Variants in DDX1 observed in about 807,000 individuals in gnomAD.
The protein encoded by DDX1 is DEAD-box helicase 1.
Under a neutral mutation model 108.7 loss-of-function variants are expected in DDX1, and 28 were observed. That is an observed-to-expected ratio of 0.26 (90% CI 0.19 to 0.35). The LOEUF is 0.35. Ranked by LOEUF, DDX1 falls within the 10% of genes least tolerant of loss-of-function variation. DDX1 has a pLI of 1.00. For missense variants in DDX1, 710 were observed against 884.5 expected (o/e 0.80, Z 2.50); for synonymous variants, 295 against 288.9 (o/e 1.02, Z -0.21).
intron 18 of DDX1, among the ~76,000 whole-genome samples, chr2:15,621,777 C>T (rs1444895894): frequency 1.3e-5 from 2 of 151,906 alleles, no homozygotes; most frequent in East Asian, 3.9e-4. Context: ...CTCAGCCTCC[C>T]GGGTAGCTGG....
intron 13 of DDX1, among the ~76,000 whole-genome samples, chr2:15,612,863 C>G (rs1300354324): frequency 6.6e-6 from 1 of 152,108 alleles, no homozygotes; most frequent in African/African-American, 2.4e-5. Context: ...GAAAACCAGT[C>G]AGGCGTGGTG....
At chr2:15,605,497 G>A (rs1665647559) in intron 10 of DDX1, among the ~76,000 whole-genome samples, 1 of 152,144 alleles carries the variant, frequency 6.6e-6, no homozygotes, top group Non-Finnish European at 1.5e-5. Flanking sequence ...AAGCATTAGA[G>A]AGCTGTTTTG....
intron 1 of DDX1, among the ~76,000 whole-genome samples, chr2:15,593,090 T>G (rs1289591405): frequency 6.6e-6 from 1 of 152,048 alleles, no homozygotes; most frequent in Non-Finnish European, 1.5e-5. Context: ...CCTGCTCATT[T>G]TTGTATTATT....
chr2:15,624,793 AAAAATAC>A (rs1249853894), intron 19 of DDX1, among the ~76,000 whole-genome samples: 2 of 152,186 alleles, frequency 1.3e-5, no homozygotes, highest in Non-Finnish European at 2.9e-5. Context: ...ATGCTAAACT[AAAAATAC>A]AACACCGAAT....
chr2:15,629,758 T>A, intron 24 of DDX1, 61 bp downstream of exon 24: 1 of 1,306,204 alleles, frequency 7.7e-7, no homozygotes, highest in Non-Finnish European at 1.1e-6. Context: ...AAAGCATTTA[T>A]CTTCAAAAAT....
intron 5 of DDX1, 103 bp from the exon 6 acceptor site, chr2:15,599,566 G>C: frequency 1.3e-6 from 1 of 794,086 alleles, no homozygotes; most frequent in Non-Finnish European, 2.0e-6. Flanking sequence ...ACCCACGTCA[G>C]CTTCCCAAAG....
At chr2:15,595,080 T>C (rs1665477360) in intron 1 of DDX1, 65 bp from the exon 2 acceptor site, 1 of 1,279,252 alleles carries the variant, frequency 7.8e-7, no homozygotes, top group Middle Eastern at 1.9e-4. Flanking sequence ...TGAATAGTAA[T>C]TTTGAGAGCA....
At chr2:15,592,199 CA>C (rs1257048842) in intron 1 of DDX1, among the ~76,000 whole-genome samples, 2 of 152,252 alleles carry the variant, frequency 1.3e-5, no homozygotes, top group Non-Finnish European at 2.9e-5. Flanking sequence ...TACCAGTCTC[CA>C]CTTGGCTTTC....
intron 10 of DDX1, among the ~76,000 whole-genome samples, chr2:15,605,455 A>C (rs1159522711): frequency 6.6e-6 from 1 of 152,164 alleles, no homozygotes; most frequent in Non-Finnish European, 1.5e-5. Flanking sequence ...AAGATGAAGA[A>C]TGTGCATTAA....
chr2:15,628,240 A>G (rs1295031354), intron 20 of DDX1, among the ~76,000 whole-genome samples: 1 of 152,176 alleles, frequency 6.6e-6, no homozygotes, highest in African/African-American at 2.4e-5. Context: ...CCAATCTCTG[A>G]TTTAATCACC....
chr2:15,612,508 T>C (rs1039544882), intron 13 of DDX1, among the ~76,000 whole-genome samples: 2 of 148,364 alleles, frequency 1.3e-5, no homozygotes, highest in African/African-American at 5.1e-5. Flanking sequence ...GCAGAGACGC[T>C]CCTCACTTTC....
In DDX1 at chr2:15,599,733, T is replaced by C. The variant is rs780348983; in HGVS notation, c.307+17T>C. The C allele has an allele frequency of 5.8e-5, 91 of 1,577,406 alleles. No individual in the cohort carries two copies. The highest frequency in any genetic ancestry group is 7.7e-5 in the Non-Finnish European group (89 of 1,155,162). On this transcript the variant is annotated intron_variant, in intron 6 of 25. Transcript: ENST00000233084. ...CTGCTTTTGGTAAGTGGATAGACTTTCCATCAGCTCATTTGTAATTCAGAA... is the reference window on the plus strand; with the variant it reads ...CTGCTTTTGGTAAGTGGATAGACTTCCCATCAGCTCATTTGTAATTCAGAA...
intron 13 of DDX1, among the ~76,000 whole-genome samples, chr2:15,607,574 A>G (rs191622586): frequency 6.6e-6 from 1 of 152,098 alleles, no homozygotes; most frequent in East Asian, 1.9e-4. Context: ...ACAGCATTGG[A>G]GTAAAAATCT....
At chr2:15,626,842 T>G (rs1384095302) in intron 19 of DDX1, among the ~76,000 whole-genome samples, 1 of 152,138 alleles carries the variant, frequency 6.6e-6, no homozygotes, top group African/African-American at 2.4e-5. Context: ...AAAATGCCCT[T>G]AAAAGCAGGA....
chr2:15,608,545 C>T (rs1049575124), intron 13 of DDX1, among the ~76,000 whole-genome samples: 4 of 148,894 alleles, frequency 2.7e-5, no homozygotes, highest in Admixed American at 2.0e-4. Context: ...AAAAAAAAAG[C>T]AAGTGTTTCT....
At position 15,603,896 on chromosome 2, in the gene DDX1, C is replaced by T. The variant is rs776365618; in HGVS notation, c.552+6C>T. On this transcript the variant is annotated splice_donor_region_variant and intron_variant, in intron 9 of 25. Transcript: ENST00000233084. ...AATTTGATAATTATGGAGAGGTAAG[C>T]GATTATGTTATGACTTCAACATAGC... The T allele has an allele frequency of 5.6e-6, 9 of 1,596,330 alleles. No individual in the cohort carries two copies. In the African/African-American group the frequency reaches 9.4e-5, roughly 17 times the overall value.
chr2:15,604,346 T>C (rs576923949), intron 9 of DDX1, 91 bp from the exon 10 acceptor site: 2 of 841,178 alleles, frequency 2.4e-6, no homozygotes, highest in African/African-American at 1.8e-5. Context: ...TAAATAATTA[T>C]TTTGAAACAC....
At chr2:15,595,882 T>A (rs2148736364) in intron 3 of DDX1, among the ~76,000 whole-genome samples, 1 of 151,436 alleles carries the variant, frequency 6.6e-6, no homozygotes, top group South Asian at 2.1e-4. Context: ...AGTAGATTTC[T>A]TTTTTTTTGT....
chr2:15,603,025 A>G (rs1241306453), intron 7 of DDX1, among the ~76,000 whole-genome samples, 167 bp from the exon 8 acceptor site: 1 of 152,178 alleles, frequency 6.6e-6, no homozygotes, highest in African/African-American at 2.4e-5. Context: ...AGTTTTTAAA[A>G]ATAGCTTTAA....
Sources: gnomAD v4.1 joint callset for allele counts (sites outside exome capture counted in the v4.1 genomes callset) on GRCh38, gnomAD v4.1.1 for gene constraint, MANE v1.5 for transcripts, NCBI Gene and HGNC (gene_info 2026-07-23, HGNC 2026-07-21) for gene names.